MAB21L1: variants seen among roughly 807,000 people sequenced by gnomAD.
MAB21L1 encodes mab-21 like 1.
Under a neutral mutation model 28.9 loss-of-function variants are expected in MAB21L1, and 8 were observed. The observed-to-expected ratio is 0.28, with a 90% CI of 0.16 to 0.50. MAB21L1 has a LOEUF of 0.50. Ranked by LOEUF, MAB21L1 falls within the 20% of genes least tolerant of loss-of-function variation. MAB21L1 has a pLI of 0.98. For synonymous variants in MAB21L1, 219 were observed against 198.2 expected (o/e 1.10, Z -0.88); for missense variants, 388 against 466.5 (o/e 0.83, Z 1.55).
In MAB21L1 at chr13:35,475,536, C is replaced by T. The variant is rs767268138; in HGVS notation, c.603G>A (p.Ala201=). ...GATTGAAACCTTCCGCCTTGACCTC[C>T]GCCACCCGGTTGGGTCCCGGCCAGG... ...HIPWPGPNRV[A]EVKAEGFNLL... Residue 201 remains alanine (A), a synonymous_variant, in exon 1 of 1, where the codon GCG becomes GCA. Coordinates refer to ENST00000379919, the MANE Select transcript of MAB21L1 (RefSeq NM_005584.5). 9.9e-6 allele frequency: 16 copies of T among 1,612,920 alleles called. No individual in the cohort carries two copies. The African/African-American group carries it at 1.2e-4, about 12-fold the overall frequency.
rs2075787862 is a variant in MAB21L1, at chr13:35,474,750, C to G, written c.*309G>C. ...TCCTTTGATAGTTAGGCAGAGTGTTCGTCTCGGTCTGGCGTTACAGCTGGG... is the reference window on the plus strand; with the variant it reads ...TCCTTTGATAGTTAGGCAGAGTGTTGGTCTCGGTCTGGCGTTACAGCTGGG... On this transcript the variant is annotated 3_prime_UTR_variant, in exon 1 of 1. Coordinates refer to ENST00000379919, the MANE Select transcript of MAB21L1 (RefSeq NM_005584.5). The G allele has an allele frequency of 3.6e-6, 1 of 279,418 alleles. No homozygotes were observed. The highest frequency in any genetic ancestry group is 6.7e-6 in the Non-Finnish European group (1 of 148,980). 17.3% of individuals were successfully genotyped at this position (279,418 alleles called of 1,614,324 possible). A position where few individuals can be genotyped will look rare whatever the true frequency, so the allele number is the denominator to read the frequency against.
rs1269591129 is a variant in MAB21L1, at chr13:35,475,374, T to C, written c.765A>G (p.Lys255=). ...GTTCAAGGTGACGATCCCTTAAGGT[T>C]TTGAGGATGGAGAGGCACTTCTTTC... ...GCRKKCLSIL[K]TLRDRHLELP... is the part of the protein sequence containing the mutation. The change falls in exon 1 of 1, where the codon AAA becomes AAG. Residue 255 remains lysine, a synonymous_variant. Coordinates refer to ENST00000379919, the MANE Select transcript of MAB21L1 (RefSeq NM_005584.5). 8 of 1,613,762 alleles carry C rather than the reference T, an allele frequency of 5.0e-6. No homozygotes were observed. The highest frequency in any genetic ancestry group is 6.8e-6 in the Non-Finnish European group (8 of 1,179,938).
chr13:35,475,553 C>T lies in MAB21L1; in HGVS notation c.586G>A (p.Gly196Arg). Residue 196 changes from glycine (G) to arginine (R), a missense_variant, in exon 1 of 1, where the codon GGA becomes AGA. Gly to Arg is a moderately radical substitution (Grantham distance 125). Around this residue, in one of 3 missense-constraint regions of MAB21L1, gnomAD observed 218 missense variants for 220.6 expected, o/e 0.99. Transcript: ENST00000379919. The part of the protein sequence containing the change: ...HWPLPHIPWP[G>R]PNRVAEVKAE... ...TTGACCTCCGCCACCCGGTTGGGTC[C>T]CGGCCAGGGGATGTGGGGAAGTGGC... 1 of 1,613,330 alleles carries T rather than the reference C, an allele frequency of 6.2e-7. No homozygotes were observed. The highest frequency in any genetic ancestry group is 8.5e-7 in the Non-Finnish European group (1 of 1,179,942).
Position 35,476,305 on chromosome 13 carries a change from G to A in MAB21L1, c.-167C>T. ...CTGCAGCGTTGGTTTCCCTGCTGCTGCTGCTGCTGCTGCTGCTGCTGCTGC... is the reference window on the plus strand; with the variant it reads ...CTGCAGCGTTGGTTTCCCTGCTGCTACTGCTGCTGCTGCTGCTGCTGCTGC... On this transcript the variant is annotated 5_prime_UTR_variant, in exon 1 of 1. Coordinates refer to ENST00000379919, the MANE Select transcript of MAB21L1 (RefSeq NM_005584.5). 1 of 560,510 alleles carries A rather than the reference G, an allele frequency of 1.8e-6. No individual in the cohort carries two copies. Among genetic ancestry groups the A allele is most frequent in the East Asian group, 5.2e-5 (1 of 19,266 alleles). 34.7% of individuals were successfully genotyped at this position (560,510 alleles called of 1,614,324 possible). A position where few individuals can be genotyped will look rare whatever the true frequency, so the allele number is the denominator to read the frequency against.
chr13:35,473,834 C>T lies in MAB21L1; in HGVS notation c.*1225G>A, dbSNP rs934925617. 3.3e-5 allele frequency among the ~76,000 whole-genome samples: 5 copies of T among 152,096 alleles called. No homozygotes were observed. The highest frequency in any genetic ancestry group is 7.2e-5 in the African/African-American group (3 of 41,432). ...TTTATTAGTTTTCATACATAATTTT[C>T]GAAGTTTCATTATGACTTTGTTAAG... On this transcript the variant is annotated 3_prime_UTR_variant, in exon 1 of 1. Coordinates refer to ENST00000379919, the MANE Select transcript of MAB21L1 (RefSeq NM_005584.5).
chr13:35,476,002 T>A lies in MAB21L1; in HGVS notation c.137A>T (p.Glu46Val). The A allele has an allele frequency of 6.2e-7, 1 of 1,614,218 alleles. No homozygotes were observed. The highest frequency in any genetic ancestry group is 8.5e-7 in the Non-Finnish European group (1 of 1,180,036). The change falls in exon 1 of 1, where the codon GAA (glutamate) becomes GTA (valine). Residue 46 changes from glutamate to valine, a missense_variant. Coordinates refer to ENST00000379919, the MANE Select transcript of MAB21L1 (RefSeq NM_005584.5). ...GCTGATGAACCGCGGCTCCTGCACT[T>A]CCACTTCCTTCAGTACGTCGGAAAC... Reference protein sequence around the residue: ...KVVSDVLKEVEVQEPRFISSL... With the variant: ...KVVSDVLKEVVVQEPRFISSL...
In MAB21L1 at chr13:35,476,433, C is replaced by T. The variant is rs878900563; in HGVS notation, c.-295G>A. The T allele has an allele frequency of 1.3e-5, 12 of 946,626 alleles. No individual in the cohort carries two copies. In the South Asian group the frequency reaches 1.4e-4, roughly 11 times the overall value. The allele number at this position is 946,626 out of a possible 1,614,324, so 58.6% of individuals were successfully genotyped here. A position where few individuals can be genotyped will look rare whatever the true frequency, so the allele number is the denominator to read the frequency against. On this transcript the variant is annotated 5_prime_UTR_variant, in exon 1 of 1. Transcript: ENST00000379919. ...CTCCCCCCTCTGCTTGTCTCTCTTC[C>T]TCTTTTAAAGAATCCTTGTGTGAGA...
In MAB21L1 at chr13:35,475,469, A is replaced by G. The variant is rs1594757929; in HGVS notation, c.670T>C (p.Ser224Pro). ...AGCACCCAGGCGTCGCTCTCCGCCG[A>G]GCTCTGCTTGCCGGCCAAGGAGTGG... ...ECHSLAGKQS[S>P]AESDAWVLQF... Residue 224 changes from serine to proline, a missense_variant, in exon 1 of 1, where the codon TCG becomes CCG. Coordinates refer to ENST00000379919, the MANE Select transcript of MAB21L1 (RefSeq NM_005584.5). The G allele has an allele frequency of 6.2e-6, 10 of 1,612,390 alleles. No homozygotes were observed. The highest frequency in any genetic ancestry group is 8.5e-6 in the Non-Finnish European group (10 of 1,179,852).
chr13:35,476,311 G>C lies in MAB21L1; in HGVS notation c.-173C>G, dbSNP rs2075866079. ...CGTTGGTTTCCCTGCTGCTGCTGCT[G>C]CTGCTGCTGCTGCTGCTGCTGCTGC... On this transcript the variant is annotated 5_prime_UTR_variant, in exon 1 of 1. Coordinates refer to ENST00000379919, the MANE Select transcript of MAB21L1 (RefSeq NM_005584.5). The C allele has an allele frequency of 3.1e-6, 2 of 652,496 alleles. No homozygotes were observed. Among genetic ancestry groups the C allele is most frequent in the South Asian group, 5.0e-5 (2 of 39,766 alleles). The allele number at this position is 652,496 out of a possible 1,614,324, so 40.4% of individuals were successfully genotyped here.
In MAB21L1 at chr13:35,475,716, G is replaced by A. The variant is rs368040620; in HGVS notation, c.423C>T (p.Asp141=). 1.7e-5 allele frequency: 28 copies of A among 1,613,696 alleles called. No individual in the cohort carries two copies. The highest frequency in any genetic ancestry group is 1.5e-4 in the African/African-American group (11 of 74,812). The change falls in exon 1 of 1, where the codon GAC becomes GAT. Residue 141 remains aspartate, a synonymous_variant. Coordinates refer to ENST00000379919, the MANE Select transcript of MAB21L1 (RefSeq NM_005584.5). ...TTACCACATCCCGGTAGCTACATTTGTCTACCGCTTGAGCCACCAGCGTCT... is the reference window on the plus strand; with the variant it reads ...TTACCACATCCCGGTAGCTACATTTATCTACCGCTTGAGCCACCAGCGTCT... ...RFQTLVAQAV[D]KCSYRDVVKM...
In MAB21L1 at chr13:35,475,561, G is replaced by A. The variant is rs2075828332; in HGVS notation, c.578C>T (p.Pro193Leu). The A allele has an allele frequency of 1.2e-6, 2 of 1,613,286 alleles. No homozygotes were observed. Among genetic ancestry groups the A allele is most frequent in the African/African-American group, 1.3e-5 (1 of 74,756 alleles). Residue 193 changes from proline (P) to leucine (L), a missense_variant, in exon 1 of 1, where the codon CCC (proline) becomes CTC (leucine). By Grantham distance (98) the Pro-to-Leu change is moderately conservative (BLOSUM62 -3). This residue lies in a region of MAB21L1 where 218 missense variants were observed against 220.6 expected (regional missense o/e 0.99). Coordinates refer to ENST00000379919, the MANE Select transcript of MAB21L1 (RefSeq NM_005584.5). ...CGCCACCCGGTTGGGTCCCGGCCAG[G>A]GGATGTGGGGAAGTGGCCAGTGGGC... is the stretch of plus-strand genomic sequence containing the variant. ...SAAHWPLPHI[P>L]WPGPNRVAEV... is the part of the protein sequence containing the mutation.
Position 35,476,256 on chromosome 13 carries a change from G to A in MAB21L1, c.-118C>T, listed in dbSNP as rs373340732. Reference sequence around the variant, plus strand: ...AAACGGGCCGCAACACTCAGAAATGGATCAAAAATGCCTTTCGGAAGTGCT... The same window carrying A: ...AAACGGGCCGCAACACTCAGAAATGAATCAAAAATGCCTTTCGGAAGTGCT... On this transcript the variant is annotated 5_prime_UTR_variant, in exon 1 of 1. Coordinates refer to ENST00000379919, the MANE Select transcript of MAB21L1 (RefSeq NM_005584.5). 3.7e-5 allele frequency: 56 copies of A among 1,514,316 alleles called. 1 individual carries two copies. In the Middle Eastern group the frequency reaches 9.4e-4, roughly 25 times the overall value. 93.8% of individuals were successfully genotyped at this position (1,514,316 alleles called of 1,614,324 possible).
rs912715968 is a variant in MAB21L1 at position 35,474,114 on chromosome 13, A to G, written c.*945T>C. The G allele has an allele frequency of 2.0e-5, 3 of 152,364 alleles. No homozygotes were observed. Among genetic ancestry groups the G allele is most frequent in the Non-Finnish European group, 4.4e-5 (3 of 68,002 alleles). 9.4% of individuals were successfully genotyped at this position (152,364 alleles called of 1,614,324 possible). On this transcript the variant is annotated 3_prime_UTR_variant, in exon 1 of 1. Transcript: ENST00000379919. ...AAGGATTTCATTAGCATATTTCTCA[A>G]AATATTTAAGATATTCAAGTGGGTT...
chr13:35,475,675 G>A lies in MAB21L1; in HGVS notation c.464C>T (p.Thr155Ile), dbSNP rs760329379. The A allele has an allele frequency of 8.7e-5, 140 of 1,613,682 alleles. No homozygotes were observed. Among genetic ancestry groups the A allele is most frequent in the Non-Finnish European group, 1.1e-4 (131 of 1,179,998 alleles). Residue 155 changes from threonine to isoleucine, a missense_variant, in exon 1 of 1, where the codon ACC becomes ATC. Transcript: ENST00000379919. ...TCGGATTCTCAGTTTCACTTCGCTG[G>A]TGTCTGCCACCATCTTTACCACATC... The part of the protein sequence containing the change: ...YRDVVKMVAD[T>I]SEVKLRIRDR...
rs868195136 is a variant in MAB21L1, at chr13:35,476,090, T to C, written c.49A>G (p.Asn17Asp). The C allele has an allele frequency of 6.8e-6, 11 of 1,614,024 alleles. No homozygotes were observed. The African/African-American group carries it at 1.2e-4, about 18-fold the overall frequency. The change falls in exon 1 of 1, where the codon AAC (asparagine) becomes GAC (aspartate). Residue 17 changes from asparagine (N) to aspartate (D), a missense_variant. By Grantham distance (23) the Asn-to-Asp change is conservative. Transcript: ENST00000379919. ...GCTTTCCTGGCTTGGCATTTTTCGT[T>C]GTAGTATTTATTCAGATGGTAGACC... ...KLVYHLNKYY[N>D]EKCQARKAAI...
In MAB21L1 at chr13:35,475,941, G is replaced by A. The variant is rs2075842523; in HGVS notation, c.198C>T (p.Leu66=). The A allele has an allele frequency of 6.2e-7, 1 of 1,614,006 alleles. No individual in the cohort carries two copies. The highest frequency in any genetic ancestry group is 1.3e-5 in the African/African-American group (1 of 74,904). Residue 66 remains leucine (L), a synonymous_variant, in exon 1 of 1, where the codon CTC becomes CTT. Transcript: ENST00000379919. ...CAAATTCGGTGGGGGAGATGACCTC[G>A]AGGCCCTCGTAGCGATTGTCCATCT... ...LNEMDNRYEG[L]EVISPTEFEV...
Position 35,476,658 on chromosome 13 carries a change from A to T in MAB21L1, c.-520T>A. 1.7e-6 allele frequency: 1 copy of T among 573,016 alleles called. No homozygotes were observed. The highest frequency in any genetic ancestry group is 2.7e-6 in the Non-Finnish European group (1 of 374,474). 35.5% of individuals were successfully genotyped at this position (573,016 alleles called of 1,614,324 possible). A position where few individuals can be genotyped will look rare whatever the true frequency, so the allele number is the denominator to read the frequency against. On this transcript the variant is annotated 5_prime_UTR_variant, in exon 1 of 1. Coordinates refer to ENST00000379919, the MANE Select transcript of MAB21L1 (RefSeq NM_005584.5). ...GTGTCCGGGGTGAGTGTGCGTGTGT[A>T]TATGTCAGAAGAAGCTGCTGTTGGT...
rs756571659 is a variant in MAB21L1, at chr13:35,475,280, G to C, written c.859C>G (p.Arg287Gly). The C allele has an allele frequency of 6.2e-7, 1 of 1,614,066 alleles. No individual in the cohort carries two copies. Among genetic ancestry groups the C allele is most frequent in the Non-Finnish European group, 8.5e-7 (1 of 1,180,012 alleles). Residue 287 changes from arginine to glycine, a missense_variant, in exon 1 of 1, where the codon CGA (arginine) becomes GGA (glycine). By Grantham distance (125) the Arg-to-Gly change is moderately radical. This residue lies in a region of MAB21L1 where 218 missense variants were observed against 220.6 expected (regional missense o/e 0.99). Transcript: ENST00000379919. ...LVSYECEKHP[R>G]ESDWDESCLG... ...CAAGACTCGTCCCAGTCCGACTCTCGGGGATGCTTTTCACACTCGTAGGAA... is the reference window on the plus strand; with the variant it reads ...CAAGACTCGTCCCAGTCCGACTCTCCGGGATGCTTTTCACACTCGTAGGAA...
chr13:35,474,901 G>A lies in MAB21L1; in HGVS notation c.*158C>T, dbSNP rs2075794540. Reference sequence around the variant, plus strand: ...TCCCCTACTTTTTCTCCCCTTGTGGGGGTGGGTGAGATGATGTTTAAATAT... The same window carrying A: ...TCCCCTACTTTTTCTCCCCTTGTGGAGGTGGGTGAGATGATGTTTAAATAT... On this transcript the variant is annotated 3_prime_UTR_variant, in exon 1 of 1. Transcript: ENST00000379919. The A allele has an allele frequency of 1.1e-6, 1 of 910,630 alleles. No individual in the cohort carries two copies. The highest frequency in any genetic ancestry group is 2.8e-5 in the Admixed American group (1 of 35,236). 56.4% of individuals were successfully genotyped at this position (910,630 alleles called of 1,614,324 possible).
Sources: gnomAD v4.1 joint callset for allele counts (sites outside exome capture counted in the v4.1 genomes callset) on GRCh38, gnomAD v4.1.1 for gene constraint, gnomAD v4.1.1 regional missense constraint, MANE v1.5 for transcripts, NCBI Gene and HGNC (gene_info 2026-07-23, HGNC 2026-07-21) for gene names.